PCDHGB2: variants seen among roughly 807,000 people sequenced by gnomAD.
The protein encoded by PCDHGB2 is protocadherin gamma-B2.
Under a neutral mutation model 59.3 loss-of-function variants are expected in PCDHGB2, and 55 were observed. The observed-to-expected ratio is 0.93, with a 90% CI of 0.75 to 1.16. The LOEUF is 1.16. Ranked by LOEUF, PCDHGB2 falls within the 50% of genes most tolerant of loss-of-function variation. The pLI, the probability that PCDHGB2 is intolerant of heterozygous loss-of-function variation, is 0.00. For missense variants in PCDHGB2, 1,228 were observed against 1,198.5 expected (o/e 1.02, Z -0.36); for synonymous variants, 516 against 512.0 (o/e 1.01, Z -0.11).
At chr5:141,440,696 A>G (rs2098194818) in intron 1 of PCDHGB2, 1 of 152,210 alleles carries the variant, frequency 6.6e-6, no homozygotes, top group Non-Finnish European at 1.5e-5. Flanking sequence ...AAAGTGACCA[A>G]CAGTGGAAAG....
Position 141,485,519 on chromosome 5 carries a change from A to T in PCDHGB2, c.2422-9288A>T. ...GTTTGTCACCGAAGGTCCTTTGGAA[A>T]TGTACCGAGCAGAGGTAGAGATCGT... On this transcript the variant is annotated intron_variant, in intron 1 of 3. Transcript: ENST00000522605. The surrounding 1 kb of genome is among the most constrained non-coding windows in gnomAD (Gnocchi z 5.7). The T allele has an allele frequency of 6.2e-7, 1 of 1,614,150 alleles. No individual in the cohort carries two copies. The highest frequency in any genetic ancestry group is 8.5e-7 in the Non-Finnish European group (1 of 1,180,018).
At chr5:141,375,665 C>A in intron 1 of PCDHGB2, 1 of 1,614,242 alleles carries the variant, frequency 6.2e-7, no homozygotes, top group Non-Finnish European at 8.5e-7. Flanking sequence ...GTTGAGAGAC[C>A]TACAGCTGTG....
In PCDHGB2 at chr5:141,433,198, A is replaced by G. The variant is rs373769649; in HGVS notation, c.2422-61609A>G. 11 of 1,581,706 alleles carry G rather than the reference A, an allele frequency of 7.0e-6. No individual in the cohort carries two copies. The African/African-American group carries it at 1.1e-4, about 16-fold the overall frequency. On this transcript the variant is annotated intron_variant, in intron 1 of 3. Coordinates refer to ENST00000522605, the MANE Select transcript of PCDHGB2 (RefSeq NM_018923.3). ...GGTTAATTGAGGTGAGTTTATATCA[A>G]ATCTTCTTTCTTTTTTTTTTTTAAT...
chr5:141,385,442 G>T, intron 1 of PCDHGB2: 1 of 1,450,070 alleles, frequency 6.9e-7, no homozygotes, highest in Non-Finnish European at 9.1e-7. Context: ...AGGTAAAAAT[G>T]AGTTTACCAG....
chr5:141,394,263 A>T, intron 1 of PCDHGB2: 1 of 1,613,884 alleles, frequency 6.2e-7, no homozygotes, highest in Non-Finnish European at 8.5e-7. Flanking sequence ...CAGCCAGGAG[A>T]ATGCCCAGGT....
intron 1 of PCDHGB2, chr5:141,419,577 C>T: frequency 3.7e-6 from 6 of 1,611,732 alleles, no homozygotes; most frequent in Non-Finnish European, 5.1e-6. Flanking sequence ...GACGGCTCCG[C>T]GCTCTTCGAC....
intron 1 of PCDHGB2, among the ~76,000 whole-genome samples, chr5:141,429,369 G>A (rs1368624471): frequency 6.7e-6 from 1 of 148,994 alleles, no homozygotes; most frequent in Non-Finnish European, 1.5e-5. Context: ...AGAAAATGGA[G>A]AAAATGTGTT....
intron 1 of PCDHGB2, chr5:141,372,132 C>T (rs1427906053): frequency 3.7e-6 from 6 of 1,613,718 alleles, no homozygotes; most frequent in Non-Finnish European, 5.1e-6. Context: ...TATGGTGCCG[C>T]GCTCTGCAGA....
chr5:141,401,819 G>A (rs2094196222), intron 1 of PCDHGB2, among the ~76,000 whole-genome samples: 3 of 152,280 alleles, frequency 2.0e-5, no homozygotes, highest in Middle Eastern at 3.4e-3. Flanking sequence ...TCCTTACAAA[G>A]TGCTGAGATT....
chr5:141,408,878 G>A lies in PCDHGB2; in HGVS notation c.2421+46322G>A. The stretch of plus-strand genomic sequence containing the variant: ...AGGGGACCCACCAAGAAGTGCCACC[G>A]CTCACATAGAAATTTCTGTCAAGGA... On this transcript the variant is annotated intron_variant, in intron 1 of 3. Coordinates refer to ENST00000522605, the MANE Select transcript of PCDHGB2 (RefSeq NM_018923.3). 1.9e-6 allele frequency: 3 copies of A among 1,613,048 alleles called. No homozygotes were observed. Among genetic ancestry groups the A allele is most frequent in the Non-Finnish European group, 1.7e-6 (2 of 1,179,590 alleles).
At chr5:141,482,957 C>A (rs2099575063) in intron 1 of PCDHGB2, among the ~76,000 whole-genome samples, 2 of 57,944 alleles carry the variant, frequency 3.5e-5, no homozygotes, top group Admixed American at 1.5e-4. Context: ...CCTGTAATTC[C>A]AGCTACTTGA....
chr5:141,371,947 G>A (rs1208928523), intron 1 of PCDHGB2: 3 of 1,613,182 alleles, frequency 1.9e-6, no homozygotes, highest in Admixed American at 3.3e-5. Context: ...TTCGCGCAGC[G>A]AGCCTTCGAC....
At chr5:141,433,202 T>C (rs1433315739) in intron 1 of PCDHGB2, 2 of 1,578,202 alleles carry the variant, frequency 1.3e-6, no homozygotes, top group Non-Finnish European at 1.7e-6. Context: ...ATATCAAATC[T>C]TCTTTCTTTT....
In PCDHGB2 at chr5:141,392,927, G is replaced by C. The variant is rs758960557; in HGVS notation, c.2421+30371G>C. The C allele has an allele frequency of 5.6e-6, 9 of 1,613,832 alleles. No homozygotes were observed. In the East Asian group the frequency reaches 2.0e-4, roughly 36 times the overall value. On this transcript the variant is annotated intron_variant, in intron 1 of 3. Coordinates refer to ENST00000522605, the MANE Select transcript of PCDHGB2 (RefSeq NM_018923.3). Reference sequence around the variant, plus strand: ...AGATTCGCTACTCTGTGCCAGAAGAGACGGACAAAGGCTCCTTCGTGGGTA... The same window carrying C: ...AGATTCGCTACTCTGTGCCAGAAGACACGGACAAAGGCTCCTTCGTGGGTA...
At chr5:141,495,175 C>T (rs1337353259) in intron 2 of PCDHGB2, among the ~76,000 whole-genome samples, 1 of 152,182 alleles carries the variant, frequency 6.6e-6, no homozygotes, top group Admixed American at 6.5e-5. Context: ...TGGGTGAAAG[C>T]GAGGCTTTCT....
rs1191643556 is a variant in PCDHGB2, at chr5:141,486,302, C to T, written c.2422-8505C>T. The T allele has an allele frequency of 2.5e-6, 4 of 1,613,918 alleles. No individual in the cohort carries two copies. The highest frequency in any genetic ancestry group is 3.4e-6 in the Non-Finnish European group (4 of 1,180,002). Reference sequence around the variant, plus strand: ...GGTGGCACTTATCAGTGTGCAGGATCCAGACTCAGGGTCAAACGGAGATGT... The same window carrying T: ...GGTGGCACTTATCAGTGTGCAGGATTCAGACTCAGGGTCAAACGGAGATGT... On this transcript the variant is annotated intron_variant, in intron 1 of 3. Coordinates refer to ENST00000522605, the MANE Select transcript of PCDHGB2 (RefSeq NM_018923.3). This position sits in a 1 kb window ranked among gnomAD's most constrained non-coding sequence, Gnocchi z 5.0.
intron 1 of PCDHGB2, among the ~76,000 whole-genome samples, chr5:141,469,909 C>G (rs760329158): frequency 2.0e-5 from 3 of 152,120 alleles, no homozygotes; most frequent in Non-Finnish European, 2.9e-5. Context: ...GGCAGGCAGA[C>G]CACCCGAGGT....
At chr5:141,427,008 C>G (rs762510673) in intron 1 of PCDHGB2, 145 of 456,786 alleles carry the variant, frequency 3.2e-4, no homozygotes, top group African/African-American at 2.8e-3. Context: ...AGTTTTTAGC[C>G]AGGATGTATA....
chr5:141,403,204 G>A, intron 1 of PCDHGB2: 4 of 1,613,952 alleles, frequency 2.5e-6, no homozygotes, highest in Non-Finnish European at 3.4e-6. Flanking sequence ...GCGGCACCTT[G>A]GTCACCGCGG....
Sources: allele counts gnomAD v4.1 joint callset (sites outside exome capture counted in the v4.1 genomes callset), GRCh38; gene constraint gnomAD v4.1.1; non-coding constraint Gnocchi (gnomAD v3.1); transcripts MANE v1.5; gene names NCBI Gene and HGNC (gene_info 2026-07-23, HGNC 2026-07-21).